Variants in DCAF10 observed in about 807,000 individuals in gnomAD.
The protein encoded by DCAF10 is DDB1 and CUL4 associated factor 10.
A neutral mutation model predicts 51.9 loss-of-function variants in DCAF10; 19 were observed. The observed-to-expected ratio is 0.37, with a 90% confidence interval of 0.26 to 0.54. The LOEUF is 0.54. Ranked by LOEUF, DCAF10 falls within the 20% of genes least tolerant of loss-of-function variation. DCAF10 has a pLI of 0.87. For synonymous variants in DCAF10, 291 were observed against 297.1 expected, an observed-to-expected ratio of 0.98 and a Z score of 0.21; for missense variants, 510 against 730.6, an observed-to-expected ratio of 0.70 and a Z score of 3.48.
intron 3 of DCAF10, among the ~76,000 whole-genome samples, chr9:37,849,209 T>C (rs985548623): frequency 6.6e-6 from 1 of 151,792 alleles, no homozygotes; most frequent in Non-Finnish European, 1.5e-5. Context: ...ATCAGTGTCA[T>C]GGGGTGGGTG....
At chr9:37,824,101 G>A (rs940429444) in intron 2 of DCAF10, among the ~76,000 whole-genome samples, 8 of 151,758 alleles carry the variant, frequency 5.3e-5, no homozygotes, top group Admixed American at 3.9e-4. Context: ...GGCTGGTCTC[G>A]AACTCCTGAC....
chr9:37,826,364 T>G (rs1309255696), intron 2 of DCAF10, among the ~76,000 whole-genome samples: 2 of 152,246 alleles, frequency 1.3e-5, no homozygotes, highest in Non-Finnish European at 2.9e-5. Context: ...TCTACTGGAC[T>G]GCAAAAATTT....
intron 2 of DCAF10, among the ~76,000 whole-genome samples, chr9:37,837,555 A>T (rs1358735137): frequency 6.6e-6 from 1 of 152,106 alleles, no homozygotes; most frequent in Non-Finnish European, 1.5e-5. Context: ...TCTTTTGGTA[A>T]ATGTCACTCT....
chr9:37,848,738 G>A (rs1040554118), intron 3 of DCAF10, among the ~76,000 whole-genome samples: 3 of 144,080 alleles, frequency 2.1e-5, no homozygotes, highest in South Asian at 2.1e-4. Context: ...TTGGGAGGCC[G>A]AGGGAGGGTG....
chr9:37,831,969 ATCTAGGTCCCCCCAG>A (rs1229091816), intron 2 of DCAF10: 3 of 152,416 alleles, frequency 2.0e-5, no homozygotes, highest in Admixed American at 1.3e-4. Flanking sequence ...CAAAAAAAAG[ATCTAGGTCCCCCCAG>A]TTATGAAGTT....
intron 5 of DCAF10, 58 bp from the exon 6 acceptor site, chr9:37,859,990 G>A: frequency 6.3e-7 from 1 of 1,599,714 alleles, no homozygotes; most frequent in Non-Finnish European, 8.6e-7. Flanking sequence ...AAGCTTTGAT[G>A]AACTGCCTTA....
Position 37,801,416 on chromosome 9 carries a change from C to G in DCAF10, c.539+11C>G. The G allele has an allele frequency of 1.4e-6, 2 of 1,452,218 alleles. No individual in the cohort carries two copies. The highest frequency in any genetic ancestry group is 1.8e-6 in the Non-Finnish European group (2 of 1,099,686). 90.0% of individuals were successfully genotyped at this position (1,452,218 alleles called of 1,614,324 possible). A position where few individuals can be genotyped will look rare whatever the true frequency, so the allele number is the denominator to read the frequency against. Reference sequence around the variant, plus strand: ...GTACTCGCCCGACGGGTAAGCGCGGCCCCTCGGAGGGCGGGCGCCCGCCTC... The same window carrying G: ...GTACTCGCCCGACGGGTAAGCGCGGGCCCTCGGAGGGCGGGCGCCCGCCTC... On this transcript the variant is annotated intron_variant, in intron 1 of 6. Transcript: ENST00000377724. This position sits in a 1 kb window ranked among gnomAD's most constrained non-coding sequence, Gnocchi z 5.5.
At chr9:37,822,948 C>T (rs1056306775) in intron 2 of DCAF10, among the ~76,000 whole-genome samples, 3 of 151,996 alleles carry the variant, frequency 2.0e-5, no homozygotes, top group Non-Finnish European at 4.4e-5. Context: ...GCCTAGGTGA[C>T]AGAGCAAGAC....
rs1046355404 is a variant in DCAF10, at chr9:37,801,006, C to A, written c.140C>A (p.Pro47His). 1.3e-6 allele frequency: 2 copies of A among 1,534,358 alleles called. No homozygotes were observed. The highest frequency in any genetic ancestry group is 1.7e-6 in the Non-Finnish European group (2 of 1,150,944). ...PLHPGADATHPPPPARSPRRP... is the reference protein window; with the variant it reads ...PLHPGADATHHPPPARSPRRP... ...CATCCCGGGGCTGATGCGACCCATC[C>A]CCCTCCACCCGCCCGAAGCCCTCGC... Residue 47 changes from proline (P) to histidine (H), a missense_variant, in exon 1 of 7, where the codon CCC becomes CAC. Pro to His is a moderately conservative substitution (Grantham distance 77). Coordinates refer to ENST00000377724, the MANE Select transcript of DCAF10 (RefSeq NM_024345.5). This position sits in a 1 kb window ranked among gnomAD's most constrained non-coding sequence, Gnocchi z 5.5.
At chr9:37,803,241 A>G (rs1829011336) in intron 1 of DCAF10, among the ~76,000 whole-genome samples, 1 of 152,222 alleles carries the variant, frequency 6.6e-6, no homozygotes, top group Non-Finnish European at 1.5e-5. Context: ...TTAAATGGAT[A>G]TCTAAGGAAA....
chr9:37,850,970 G>A (rs1316672202), intron 3 of DCAF10, among the ~76,000 whole-genome samples: 1 of 150,206 alleles, frequency 6.7e-6, no homozygotes, highest in Non-Finnish European at 1.5e-5. Context: ...TAGGCCTGGT[G>A]CGGTAGCTCA....
At chr9:37,809,496 A>C (rs536716308) in intron 1 of DCAF10, among the ~76,000 whole-genome samples, 1 of 152,330 alleles carries the variant, frequency 6.6e-6, no homozygotes, top group African/African-American at 2.4e-5. Flanking sequence ...AAAATGAAAA[A>C]CATCCATGGT....
At chr9:37,815,256 A>C (rs369530880) in intron 1 of DCAF10, among the ~76,000 whole-genome samples, 3 of 152,208 alleles carry the variant, frequency 2.0e-5, no homozygotes, top group African/African-American at 7.2e-5. Flanking sequence ...AAGATCAGGA[A>C]CAAGATGAGT....
chr9:37,804,637 G>A (rs984238694), intron 1 of DCAF10, among the ~76,000 whole-genome samples: 4 of 152,036 alleles, frequency 2.6e-5, no homozygotes, highest in African/African-American at 4.8e-5. Flanking sequence ...CTAGCCGAGC[G>A]TGGTGGTGCA....
At chr9:37,810,088 G>T (rs999676993) in intron 1 of DCAF10, among the ~76,000 whole-genome samples, 3 of 151,732 alleles carry the variant, frequency 2.0e-5, no homozygotes, top group Non-Finnish European at 2.9e-5. Context: ...GGAGGCGGAG[G>T]TTGCAGTGAG....
At chr9:37,849,717 CT>C (rs1452022840) in intron 3 of DCAF10, among the ~76,000 whole-genome samples, 1 of 152,068 alleles carries the variant, frequency 6.6e-6, no homozygotes, top group African/African-American at 2.4e-5. Flanking sequence ...CCCGTGTCTA[CT>C]AAAAATACAA....
intron 3 of DCAF10, among the ~76,000 whole-genome samples, chr9:37,850,763 A>T (rs1457712001): frequency 6.9e-6 from 1 of 144,562 alleles, no homozygotes; most frequent in African/African-American, 2.5e-5. Flanking sequence ...TATATAATTG[A>T]AATTTGTTAA....
intron 2 of DCAF10, among the ~76,000 whole-genome samples, chr9:37,823,599 C>T (rs111344490): frequency 3.3e-5 from 5 of 151,120 alleles, no homozygotes; most frequent in Non-Finnish European, 4.4e-5. Flanking sequence ...GTTTTTTTGG[C>T]GGGGGGTACA....
Position 37,861,032 on chromosome 9 carries a change from T to TA in DCAF10, c.1312-103dup. ...TAGCATTATTCTGAGTGATTTCTTGTAAAAATTCTGTGGCTTTGGCAATCT... is the reference window on the plus strand; with the variant it reads ...TAGCATTATTCTGAGTGATTTCTTGTAAAAAATTCTGTGGCTTTGGCAATCT... On this transcript the variant is annotated intron_variant, in intron 6 of 6. Transcript: ENST00000377724. This position sits in a 1 kb window ranked among gnomAD's most constrained non-coding sequence, Gnocchi z 4.9. 1 of 1,444,124 alleles carries TA rather than the reference T, an allele frequency of 6.9e-7. No homozygotes were observed. Among genetic ancestry groups the TA allele is most frequent in the South Asian group, 1.4e-5 (1 of 70,436 alleles). The allele number at this position is 1,444,124 out of a possible 1,614,324, so 89.5% of individuals were successfully genotyped here.
Sources: allele counts gnomAD v4.1 joint callset (sites outside exome capture counted in the v4.1 genomes callset), GRCh38; gene constraint gnomAD v4.1.1; non-coding constraint Gnocchi (gnomAD v3.1); transcripts MANE v1.5; gene names NCBI Gene and HGNC (gene_info 2026-07-23, HGNC 2026-07-21).